Variants in TENM3 observed in about 807,000 individuals in gnomAD.
The protein encoded by TENM3 is teneurin transmembrane protein 3, also known as teneurin-3.
In TENM3, 63 loss-of-function variants were observed where a neutral mutation model predicts 255.1. The ratio of observed to expected loss-of-function variants is 0.25; its 90% CI spans 0.20 to 0.30. TENM3 has a LOEUF of 0.30. Ranked by LOEUF, TENM3 falls within the 10% of genes least tolerant of loss-of-function variation. The pLI, the probability that TENM3 is intolerant of heterozygous loss-of-function variation, is 1.00. For missense variants in TENM3, 2,929 were observed against 3,461.1 expected (o/e 0.85, Z 3.86); for synonymous variants, 1,306 against 1,322.3 (o/e 0.99, Z 0.27).
intron 1 of TENM3, among the ~76,000 whole-genome samples, chr4:182,210,575 A>AT (rs1754948659): frequency 6.8e-6 from 1 of 147,820 alleles, no homozygotes; most frequent in Admixed American, 6.7e-5. Context: ...TTTGGGCCTG[A>AT]TTTTTTAGAA....
Position 182,628,607 on chromosome 4 carries a change from C to T in TENM3, c.750-44C>T, listed in dbSNP as rs145025846. 118 of 1,276,584 alleles carry T rather than the reference C, an allele frequency of 9.2e-5. No individual in the cohort carries two copies. The African/African-American group carries it at 1.4e-3, about 15-fold the overall frequency. 79.1% of individuals were successfully genotyped at this position (1,276,584 alleles called of 1,614,324 possible). A position where few individuals can be genotyped will look rare whatever the true frequency, so the allele number is the denominator to read the frequency against. On this transcript the variant is annotated intron_variant, in intron 4 of 27. Coordinates refer to ENST00000511685, the MANE Select transcript of TENM3 (RefSeq NM_001080477.4). ...CATCGCTGTCTCTTGTCTCTTGTAT[C>T]GTAACATATTTGTATCTTATAATGA...
At chr4:182,572,394 C>G (rs1744476706) in intron 3 of TENM3, among the ~76,000 whole-genome samples, 1 of 152,204 alleles carries the variant, frequency 6.6e-6, no homozygotes, top group Admixed American at 6.6e-5. Context: ...TCTGGAGGAA[C>G]ATACTTAAAT....
intron 3 of TENM3, among the ~76,000 whole-genome samples, chr4:182,409,317 A>G (rs1710723236): frequency 6.6e-6 from 1 of 152,210 alleles, no homozygotes; most frequent in Non-Finnish European, 1.5e-5. Context: ...TGAGAAATGC[A>G]ATACTTCTGT....
At chr4:182,229,125 G>A (rs751029457) in intron 1 of TENM3, among the ~76,000 whole-genome samples, 1 of 152,140 alleles carries the variant, frequency 6.6e-6, no homozygotes, top group African/African-American at 2.4e-5. Flanking sequence ...AGAACAGCTC[G>A]ATGGAATTTC....
chr4:182,035,195 T>G, the TENM3 span, among the ~76,000 whole-genome samples: 2 of 152,246 alleles, frequency 1.3e-5, no homozygotes, highest in Non-Finnish European at 2.9e-5. Flanking sequence ...AAAGTTTGAT[T>G]TGTTATTTAA....
chr4:182,368,205 A>G (rs1392045085), intron 3 of TENM3, among the ~76,000 whole-genome samples: 2 of 152,312 alleles, frequency 1.3e-5, no homozygotes, highest in East Asian at 1.9e-4. Context: ...TTTGCAGCTG[A>G]TATACTTTCC....
chr4:182,030,440 C>T, the TENM3 span, among the ~76,000 whole-genome samples: 1 of 152,100 alleles, frequency 6.6e-6, no homozygotes, highest in Non-Finnish European at 1.5e-5. Context: ...CCATAGAATT[C>T]CATGGTGTAT....
chr4:182,024,229 T>C, the TENM3 span, among the ~76,000 whole-genome samples: 1 of 152,178 alleles, frequency 6.6e-6, no homozygotes, highest in Non-Finnish European at 1.5e-5. Context: ...AAGTCATACA[T>C]TGTTTTGTAT....
At chr4:181,844,592 C>T in the TENM3 span, among the ~76,000 whole-genome samples, 1 of 151,476 alleles carries the variant, frequency 6.6e-6, no homozygotes, top group Non-Finnish European at 1.5e-5. Context: ...GGCGTGAACC[C>T]GGGAGGCGGA....
At chr4:181,893,175 CT>C in the TENM3 span, among the ~76,000 whole-genome samples, 5 of 151,964 alleles carry the variant, frequency 3.3e-5, no homozygotes, top group Non-Finnish European at 7.4e-5. Flanking sequence ...TTGAAGCATG[CT>C]TAAATGAAAA....
intron 3 of TENM3, among the ~76,000 whole-genome samples, chr4:182,450,161 G>C (rs1440730027): frequency 6.6e-6 from 1 of 152,202 alleles, no homozygotes; most frequent in African/African-American, 2.4e-5. Flanking sequence ...GCAGATTCAC[G>C]TCTGGAGTTG....
chr4:181,590,052 A>C, the TENM3 span, among the ~76,000 whole-genome samples: 1 of 152,186 alleles, frequency 6.6e-6, no homozygotes, highest in Non-Finnish European at 1.5e-5. Flanking sequence ...AAATGTTATA[A>C]ATAAGAAAGA....
At chr4:181,615,840 A>T in the TENM3 span, among the ~76,000 whole-genome samples, 8 of 152,198 alleles carry the variant, frequency 5.3e-5, no homozygotes, top group Non-Finnish European at 8.8e-5. Context: ...ATATTTTACC[A>T]TCTATTAGGA....
chr4:181,778,082 A>T, the TENM3 span, among the ~76,000 whole-genome samples: 1 of 152,142 alleles, frequency 6.6e-6, no homozygotes, highest in Non-Finnish European at 1.5e-5. Context: ...TTGCTCAACA[A>T]TGTATACCAA....
chr4:182,743,168 A>G lies in TENM3; in HGVS notation c.3380-2A>G. 6.2e-7 allele frequency: 1 copy of G among 1,600,428 alleles called. No individual in the cohort carries two copies. Among genetic ancestry groups the G allele is most frequent in the Non-Finnish European group, 8.6e-7 (1 of 1,168,972 alleles). ...AAAAACAATGCACTTTATTTCTTCTAGGTATACTGTACAAGGGAAACGGGG... is the reference window on the plus strand; with the variant it reads ...AAAAACAATGCACTTTATTTCTTCTGGGTATACTGTACAAGGGAAACGGGG... On this transcript the variant is annotated splice_acceptor_variant, in intron 18 of 27. Transcript: ENST00000511685. LOFTEE classifies it high-confidence loss of function.
At chr4:182,581,059 A>C (rs2152358143) in intron 3 of TENM3, among the ~76,000 whole-genome samples, 1 of 152,324 alleles carries the variant, frequency 6.6e-6, no homozygotes, top group Non-Finnish European at 1.5e-5. Flanking sequence ...TGAACATGTT[A>C]ATGTAAATTG....
chr4:181,692,177 T>C, the TENM3 span, among the ~76,000 whole-genome samples: 3 of 152,214 alleles, frequency 2.0e-5, no homozygotes, highest in Non-Finnish European at 4.4e-5. Flanking sequence ...AATTGTATAA[T>C]GTATTAAGAG....
At chr4:181,737,054 G>A in the TENM3 span, among the ~76,000 whole-genome samples, 1 of 152,186 alleles carries the variant, frequency 6.6e-6, no homozygotes, top group East Asian at 1.9e-4. Context: ...ACAAGGGCTG[G>A]GGAGGTGAAG....
At chr4:181,898,369 A>G in the TENM3 span, among the ~76,000 whole-genome samples, 1 of 152,168 alleles carries the variant, frequency 6.6e-6, no homozygotes, top group African/African-American at 2.4e-5. Context: ...GTTTTGTTCT[A>G]CATTTTTACT....
Sources: gnomAD v4.1 joint callset for allele counts (sites outside exome capture counted in the v4.1 genomes callset) on GRCh38, gnomAD v4.1.1 for gene constraint, MANE v1.5 for transcripts, NCBI Gene and HGNC (gene_info 2026-07-23, HGNC 2026-07-21) for gene names.